Variants in DEAF1 observed in about 807,000 individuals in gnomAD.
DEAF1 encodes the protein deformed epidermal autoregulatory factor 1 homolog.
Under a neutral mutation model 58.9 loss-of-function variants are expected in DEAF1, and 53 were observed. The ratio of observed to expected loss-of-function variants is 0.90; its 90% CI spans 0.72 to 1.13. The LOEUF (loss-of-function observed/expected upper bound fraction) is 1.13. Among genes scored for constraint, DEAF1 ranks in the 50% most tolerant of loss-of-function variants. The pLI, the probability that DEAF1 is intolerant of heterozygous loss-of-function variation, is 0.00. For missense variants in DEAF1, 685 were observed against 791.4 expected, an observed-to-expected ratio of 0.87 and a Z score of 1.61; for synonymous variants, 385 against 340.4, an observed-to-expected ratio of 1.13 and a Z score of -1.44.
intron 11 of DEAF1, 134 bp downstream of exon 11, chr11:653,828 C>T (rs892276902): frequency 1.1e-5 from 9 of 799,232 alleles, no homozygotes; most frequent in African/African-American, 3.4e-5. Flanking sequence ...GCAGGAGCCC[C>T]GGATTCCCAG....
intron 11 of DEAF1, among the ~76,000 whole-genome samples, chr11:652,319 T>G (rs1418824198): frequency 1.3e-5 from 2 of 152,202 alleles, no homozygotes; most frequent in Admixed American, 6.5e-5. Flanking sequence ...TATTTTCAAC[T>G]GCATAAAATA....
chr11:695,578 G>T, upstream of DEAF1: 1 of 1,237,632 alleles, frequency 8.1e-7, no homozygotes. Context: ...CCGAGGCCGA[G>T]CCGAGACGAG....
intron 1 of DEAF1, among the ~76,000 whole-genome samples, chr11:705,674 CT>C (rs1272194487): frequency 6.6e-6 from 1 of 152,204 alleles, no homozygotes; most frequent in Non-Finnish European, 1.5e-5. Flanking sequence ...GCCTCTGCCC[CT>C]GGGCCTGCGG....
chr11:646,823 A>C (rs896612282), intron 11 of DEAF1, among the ~76,000 whole-genome samples: 2 of 152,204 alleles, frequency 1.3e-5, no homozygotes, highest in African/African-American at 4.8e-5. Context: ...AAACGGAAAA[A>C]AATGGTTAAA....
chr11:701,079 G>A (rs1861436105), intron 1 of DEAF1: 1 of 285,066 alleles, frequency 3.5e-6, no homozygotes, highest in South Asian at 3.9e-5. Flanking sequence ...GAGAGCCCTG[G>A]AGAGTTCTGC....
intron 10 of DEAF1, 157 bp downstream of exon 10, chr11:674,379 G>C: frequency 9.5e-7 from 1 of 1,048,898 alleles, no homozygotes; most frequent in Non-Finnish European, 1.4e-6. Flanking sequence ...TTTAGGAAAA[G>C]CTTCATTTGT....
chr11:673,103 C>T (rs571057884), intron 10 of DEAF1, among the ~76,000 whole-genome samples: 4 of 149,906 alleles, frequency 2.7e-5, no homozygotes, highest in African/African-American at 7.4e-5. Context: ...TAGCCAAGAT[C>T]GTGCCACTGC....
intron 11 of DEAF1, among the ~76,000 whole-genome samples, chr11:649,844 G>A (rs779504452): frequency 2.2e-4 from 34 of 152,002 alleles, no homozygotes; most frequent in Non-Finnish European, 3.1e-4. Flanking sequence ...TTGCCAACAC[G>A]GAGAAACCCC....
At chr11:679,642 C>CAGGG (rs1369354970) in intron 8 of DEAF1, 46 bp downstream of exon 8, 3 of 1,604,830 alleles carry the variant, frequency 1.9e-6, no homozygotes, top group Non-Finnish European at 2.5e-6. Context: ...ATGTCACAGA[C>CAGGG]AGGGATATGC....
chr11:657,164 A>C (rs935465367), intron 10 of DEAF1, among the ~76,000 whole-genome samples: 4 of 152,034 alleles, frequency 2.6e-5, no homozygotes, highest in Non-Finnish European at 4.4e-5. Context: ...TCCCAATAAA[A>C]GGACCTGGGG....
upstream of DEAF1, chr11:698,928 C>T (rs1861321446): frequency 6.2e-7 from 1 of 1,613,340 alleles, no homozygotes; most frequent in African/African-American, 1.3e-5. Flanking sequence ...CACCCAGAGG[C>T]CCGAATTGCT....
intron 10 of DEAF1, among the ~76,000 whole-genome samples, chr11:663,757 C>G (rs1006929328): frequency 6.6e-6 from 1 of 152,120 alleles, no homozygotes; most frequent in Non-Finnish European, 1.5e-5. Flanking sequence ...GGAGTGAATA[C>G]CAGGCTTTTG....
In DEAF1 at chr11:688,238, A is replaced by G; in HGVS notation, c.517+93T>C. 2 of 1,547,728 alleles carry G rather than the reference A, an allele frequency of 1.3e-6. No homozygotes were observed. The highest frequency in any genetic ancestry group is 1.7e-6 in the Non-Finnish European group (2 of 1,143,418). On this transcript the variant is annotated intron_variant, in intron 3 of 11. Coordinates refer to ENST00000382409, the MANE Select transcript of DEAF1 (RefSeq NM_021008.4). This position sits in a 1 kb window ranked among gnomAD's most constrained non-coding sequence, Gnocchi z 4.3. ...TAATAGATGATATTCCAAATTTACCACAAAAAGAAACAAGTAAATAAATCC... is the reference window on the plus strand; with the variant it reads ...TAATAGATGATATTCCAAATTTACCGCAAAAAGAAACAAGTAAATAAATCC...
chr11:654,793 C>G (rs1858966989), intron 10 of DEAF1: 1 of 377,992 alleles, frequency 2.6e-6, no homozygotes, highest in African/African-American at 2.1e-5. Flanking sequence ...AGCTTGCACC[C>G]AGGAGGCGGA....
At chr11:655,644 G>A (rs11246244) in intron 10 of DEAF1, among the ~76,000 whole-genome samples, 32,608 of 152,150 alleles carry the variant, frequency 0.21, 5,237 homozygotes, top group African/African-American at 0.46. Flanking sequence ...CCCTGCACGC[G>A]TGCAGACCTG....
chr11:682,351 G>C (rs1215721097), intron 6 of DEAF1, among the ~76,000 whole-genome samples: 1 of 152,182 alleles, frequency 6.6e-6, no homozygotes, highest in Admixed American at 6.5e-5. Context: ...TTCCCAGATG[G>C]GTTCTTCGCT....
At chr11:683,600 CTTT>C (rs1320189328) in intron 6 of DEAF1, among the ~76,000 whole-genome samples, 2 of 152,128 alleles carry the variant, frequency 1.3e-5, no homozygotes, top group East Asian at 3.8e-4. Flanking sequence ...ACTGTTTTGG[CTTT>C]TTTATTTCCT....
chr11:694,531 G>A, intron 1 of DEAF1: 2 of 365,580 alleles, frequency 5.5e-6, no homozygotes, highest in Non-Finnish European at 9.6e-6. Context: ...CAGATGTGAG[G>A]GGTGAGCTAG....
chr11:675,462 G>A (rs562334465), intron 9 of DEAF1, among the ~76,000 whole-genome samples: 3 of 152,288 alleles, frequency 2.0e-5, no homozygotes, highest in East Asian at 1.9e-4. Context: ...CCAGGTGGTC[G>A]AGGCTACAGT....
Sources: gnomAD v4.1 joint callset for allele counts (sites outside exome capture counted in the v4.1 genomes callset) on GRCh38, gnomAD v4.1.1 for gene constraint, Gnocchi (gnomAD v3.1) non-coding constraint, MANE v1.5 for transcripts, NCBI Gene and HGNC (gene_info 2026-07-23, HGNC 2026-07-21) for gene names.